ENTPD1: variants seen among roughly 807,000 people sequenced by gnomAD.
ENTPD1 encodes ectonucleoside triphosphate diphosphohydrolase 1.
Under a neutral mutation model 57.0 loss-of-function variants are expected in ENTPD1, and 33 were observed. That is an observed-to-expected ratio of 0.58 (90% confidence interval 0.44 to 0.77). ENTPD1 has a LOEUF of 0.77. ENTPD1 is among the 30% of genes least tolerant of loss of function. The probability of loss-of-function intolerance (pLI) is 0.00; values close to 1 mark genes in which losing one functional copy is unlikely to be tolerated. For missense variants in ENTPD1, 501 were observed against 603.4 expected (o/e 0.83, Z 1.78); for synonymous variants, 202 against 218.8 (o/e 0.92, Z 0.68).
chr10:95,760,732 G>A (rs1277576761), intron 1 of ENTPD1, among the ~76,000 whole-genome samples: 1 of 148,518 alleles, frequency 6.7e-6, no homozygotes, highest in Non-Finnish European at 1.5e-5. Context: ...GTGTTTAATC[G>A]CACCAACTAC....
chr10:95,789,611 A>G (rs540809105), intron 1 of ENTPD1, among the ~76,000 whole-genome samples: 1 of 152,184 alleles, frequency 6.6e-6, no homozygotes, highest in Non-Finnish European at 1.5e-5. Flanking sequence ...TACTGAAAAA[A>G]ATTAGGTAAA....
At chr10:95,863,140 C>G (rs1472909934) in intron 8 of ENTPD1, among the ~76,000 whole-genome samples, 3 of 152,176 alleles carry the variant, frequency 2.0e-5, no homozygotes, top group Non-Finnish European at 2.9e-5. Flanking sequence ...TGGCTACTAT[C>G]ATAACCTTCA....
At position 95,844,711 on chromosome 10, in the gene ENTPD1, C is replaced by T. The variant is rs1390406236; in HGVS notation, c.573+76C>T. On this transcript the variant is annotated intron_variant, in intron 5 of 9. Transcript: ENST00000371205. ...TTGCTATCTCAGGCAGTACTTGGGT[C>T]GCTAGCCAGAATGAATGAATGAATG... 11 of 1,554,060 alleles carry T rather than the reference C, an allele frequency of 7.1e-6. No homozygotes were observed. In the Admixed American group the frequency reaches 1.0e-4, roughly 14 times the overall value.
chr10:95,841,336 G>A (rs1413526727), intron 3 of ENTPD1, among the ~76,000 whole-genome samples: 3 of 152,000 alleles, frequency 2.0e-5, no homozygotes, highest in Admixed American at 6.6e-5. Flanking sequence ...GCAGTTAGCC[G>A]AGATCGCGCC....
chr10:95,872,984 C>T lies in ENTPD1; in HGVS notation c.*6601C>T, dbSNP rs1159322544. ...ACAGAATTTTAAGGATTAGAATGAA[C>T]CTTAAAAGATCATGCATCTCAAAAT... On this transcript the variant is annotated 3_prime_UTR_variant, in exon 10 of 10. Transcript: ENST00000371205. The T allele has an allele frequency of 2.0e-6, 2 of 985,106 alleles. No homozygotes were observed. The highest frequency in any genetic ancestry group is 1.1e-4 in the East Asian group (1 of 8,828). The allele number at this position is 985,106 out of a possible 1,614,324, so 61.0% of individuals were successfully genotyped here.
At chr10:95,716,049 C>T (rs905334781) in intron 1 of ENTPD1, among the ~76,000 whole-genome samples, 1 of 152,068 alleles carries the variant, frequency 6.6e-6, no homozygotes, top group Non-Finnish European at 1.5e-5. Flanking sequence ...AAAATTTGTG[C>T]AGTCAGGGGT....
Position 95,876,099 on chromosome 10 carries a change from T to C in ENTPD1, c.*9716T>C. On this transcript the variant is annotated 3_prime_UTR_variant, in exon 10 of 10. Coordinates refer to ENST00000371205, the MANE Select transcript of ENTPD1 (RefSeq NM_001776.6). ...GGTTTGAAACCTGAAATGCAGTCTA[T>C]TATCATACATAACTAAAAATAGAGC... is the stretch of plus-strand genomic sequence containing the variant. 2 of 985,422 alleles carry C rather than the reference T, an allele frequency of 2.0e-6. No homozygotes were observed. Among genetic ancestry groups the C allele is most frequent in the Non-Finnish European group, 2.4e-6 (2 of 829,914 alleles). The allele number at this position is 985,422 out of a possible 1,614,324, so 61.0% of individuals were successfully genotyped here.
At chr10:95,697,649 G>A in the ENTPD1 span, among the ~76,000 whole-genome samples, 1 of 152,200 alleles carries the variant, frequency 6.6e-6, no homozygotes, top group African/African-American at 2.4e-5. Flanking sequence ...AACACGCTCA[G>A]CTTCCTCACC....
the ENTPD1 span, among the ~76,000 whole-genome samples, chr10:95,706,302 A>G: frequency 6.6e-6 from 1 of 152,168 alleles, no homozygotes; most frequent in East Asian, 1.9e-4. Flanking sequence ...GCCTTTGTTC[A>G]AGTTCTTGTC....
Position 95,870,683 on chromosome 10 carries a change from T to A in ENTPD1, c.*4300T>A. The A allele has an allele frequency of 1.0e-6, 1 of 985,454 alleles. No individual in the cohort carries two copies. Among genetic ancestry groups the A allele is most frequent in the Non-Finnish European group, 1.2e-6 (1 of 829,920 alleles). 61.0% of individuals were successfully genotyped at this position (985,454 alleles called of 1,614,324 possible). The stretch of plus-strand genomic sequence containing the variant: ...TGTCAGTTTAAAAGATGAACTGAGT[T>A]TCACCCAAACTGGTCTGGCCCCTCT... On this transcript the variant is annotated 3_prime_UTR_variant, in exon 10 of 10. Transcript: ENST00000371205.
rs989598305 is a variant in ENTPD1, at chr10:95,867,595, C to T, written c.*1212C>T. 2 of 985,460 alleles carry T rather than the reference C, an allele frequency of 2.0e-6. No homozygotes were observed. The highest frequency in any genetic ancestry group is 2.4e-6 in the Non-Finnish European group (2 of 829,952). The allele number at this position is 985,460 out of a possible 1,614,324, so 61.0% of individuals were successfully genotyped here. A position where few individuals can be genotyped will look rare whatever the true frequency, so the allele number is the denominator to read the frequency against. On this transcript the variant is annotated 3_prime_UTR_variant, in exon 10 of 10. Coordinates refer to ENST00000371205, the MANE Select transcript of ENTPD1 (RefSeq NM_001776.6). ...AGTCTGAAAGTGTTGCCACCCGTCACACAACATGGGCTTTGTTTGCTTATT... is the reference window on the plus strand; with the variant it reads ...AGTCTGAAAGTGTTGCCACCCGTCATACAACATGGGCTTTGTTTGCTTATT...
chr10:95,769,760 G>A (rs1328988124), intron 1 of ENTPD1, among the ~76,000 whole-genome samples: 3 of 152,192 alleles, frequency 2.0e-5, no homozygotes, highest in East Asian at 1.9e-4. Context: ...CAGTGGACAC[G>A]GTGAAAAGTG....
intron 2 of ENTPD1, among the ~76,000 whole-genome samples, chr10:95,837,701 T>A (rs1385263232): frequency 6.6e-6 from 1 of 152,166 alleles, no homozygotes; most frequent in Non-Finnish European, 1.5e-5. Context: ...AGTTTGACAC[T>A]CAATAGGCTC....
At chr10:95,752,601 G>A (rs1386324655), upstream of ENTPD1, among the ~76,000 whole-genome samples, 2 of 152,184 alleles carry the variant, frequency 1.3e-5, no homozygotes, top group Non-Finnish European at 2.9e-5. Context: ...GGGTTGCGGT[G>A]AGCCGAGATG....
the ENTPD1 span, among the ~76,000 whole-genome samples, chr10:95,706,593 C>A: frequency 6.6e-6 from 1 of 152,162 alleles, no homozygotes; most frequent in African/African-American, 2.4e-5. Context: ...TCTCTGCAGG[C>A]CTCTCAAACT....
intron 1 of ENTPD1, among the ~76,000 whole-genome samples, chr10:95,801,199 TC>T (rs780395340): frequency 2.0e-4 from 31 of 152,218 alleles, no homozygotes; most frequent in Non-Finnish European, 4.3e-4. Context: ...GCTTTTTAGT[TC>T]CATTAGATAC....
intron 8 of ENTPD1, among the ~76,000 whole-genome samples, chr10:95,862,117 G>A (rs2098466393): frequency 6.6e-6 from 1 of 152,192 alleles, no homozygotes; most frequent in Non-Finnish European, 1.5e-5. Flanking sequence ...TTCTGCTCAG[G>A]TAAGTCATGT....
chr10:95,827,198 A>G (rs1329678136), intron 2 of ENTPD1, among the ~76,000 whole-genome samples: 1 of 152,146 alleles, frequency 6.6e-6, no homozygotes, highest in Non-Finnish European at 1.5e-5. Context: ...TCACACTTGT[A>G]ATCCCAGCAC....
chr10:95,864,260 T>C (rs984478406), intron 8 of ENTPD1, among the ~76,000 whole-genome samples: 1 of 152,156 alleles, frequency 6.6e-6, no homozygotes, highest in Non-Finnish European at 1.5e-5. Flanking sequence ...AGATTCTGAA[T>C]TGGTAGTTTT....
Sources: gnomAD v4.1 joint callset for allele counts (sites outside exome capture counted in the v4.1 genomes callset) on GRCh38, gnomAD v4.1.1 for gene constraint, MANE v1.5 for transcripts, NCBI Gene and HGNC (gene_info 2026-07-23, HGNC 2026-07-21) for gene names.